Variants in SLC6A11 observed in about 807,000 individuals in gnomAD.
SLC6A11 encodes sodium- and chloride-dependent GABA transporter 3.
A neutral mutation model predicts 74.8 loss-of-function variants in SLC6A11; 25 were observed. The ratio of observed to expected loss-of-function variants is 0.33; its 90% CI spans 0.24 to 0.47. SLC6A11 has a LOEUF of 0.47. Among genes scored for constraint, SLC6A11 ranks in the 20% least tolerant of loss-of-function variants. The probability of loss-of-function intolerance (pLI) is 1.00; values close to 1 mark genes in which losing one functional copy is unlikely to be tolerated. For synonymous variants in SLC6A11, 330 were observed against 330.2 expected (o/e 1.00, Z 0.01); for missense variants, 574 against 837.0 (o/e 0.69, Z 3.88).
At chr3:10,872,612 C>G (rs1694840648) in intron 5 of SLC6A11, among the ~76,000 whole-genome samples, 1 of 152,198 alleles carries the variant, frequency 6.6e-6, no homozygotes, top group South Asian at 2.1e-4. Flanking sequence ...AGAAATTTCC[C>G]TCCTGTGATT....
In SLC6A11 at chr3:10,816,328, C is replaced by A; in HGVS notation, c.63C>A (p.Ser21=). The part of the protein sequence containing the change: ...NGKAAEEARE[S]EAPGGGCSSG... ...AGGCTGCTGAGGAGGCGCGGGAGTC[C>A]GAGGCGCCGGGTGGCGGCTGCAGCA... The change falls in exon 1 of 14, where the codon TCC becomes TCA. Residue 21 remains serine (S), a synonymous_variant. Transcript: ENST00000254488. The surrounding 1 kb of genome is among the most constrained non-coding windows in gnomAD (Gnocchi z 4.2). 7.1e-7 allele frequency: 1 copy of A among 1,413,764 alleles called. No individual in the cohort carries two copies. Among genetic ancestry groups the A allele is most frequent in the South Asian group, 1.6e-5 (1 of 62,944 alleles). 87.6% of individuals were successfully genotyped at this position (1,413,764 alleles called of 1,614,324 possible).
chr3:10,819,430 G>A (rs1430249053), intron 1 of SLC6A11, 35 bp from the exon 2 acceptor site: 1 of 1,590,334 alleles, frequency 6.3e-7, no homozygotes, highest in Non-Finnish European at 8.5e-7. Flanking sequence ...AATCGGCAGG[G>A]ACAGTTTTCA....
chr3:10,929,556 G>A (rs533834542), intron 10 of SLC6A11, among the ~76,000 whole-genome samples: 2 of 152,272 alleles, frequency 1.3e-5, no homozygotes, highest in South Asian at 2.1e-4. Flanking sequence ...TAAAGGCCGC[G>A]GCTGTTATTC....
chr3:10,819,502 C>T lies in SLC6A11; in HGVS notation c.294C>T (p.Cys98=). The T allele has an allele frequency of 1.2e-6, 2 of 1,613,826 alleles. No homozygotes were observed. The highest frequency in any genetic ancestry group is 2.2e-5 in the East Asian group (1 of 44,874). Residue 98 remains cysteine (C), a synonymous_variant, in exon 2 of 14, where the codon TGC becomes TGT. Coordinates refer to ENST00000254488, the MANE Select transcript of SLC6A11 (RefSeq NM_014229.3). ...TTCCCTACGTGGTGTTTTTTATTTG[C>T]TGTGGAATTCCTGTTTTTTTCCTGG... ...FLIPYVVFFI[C]CGIPVFFLET... is the part of the protein sequence containing the mutation.
intron 6 of SLC6A11, among the ~76,000 whole-genome samples, chr3:10,908,537 A>G (rs1037904696): frequency 2.0e-5 from 3 of 151,660 alleles, no homozygotes; most frequent in Non-Finnish European, 4.4e-5. Context: ...TAAGCCCAAC[A>G]TGCCCTCTTT....
intron 5 of SLC6A11, among the ~76,000 whole-genome samples, chr3:10,863,444 G>C (rs1000368405): frequency 6.6e-6 from 1 of 152,220 alleles, no homozygotes; most frequent in African/African-American, 2.4e-5. Context: ...CCATTTTATA[G>C]AAGAGAATAT....
chr3:10,860,716 C>CA (rs1559562827), intron 5 of SLC6A11, among the ~76,000 whole-genome samples: 1 of 152,132 alleles, frequency 6.6e-6, no homozygotes, highest in African/African-American at 2.4e-5. Flanking sequence ...TCCTCCCTGT[C>CA]AAAAGGTTTA....
chr3:10,916,416 G>C (rs1405460269), intron 7 of SLC6A11, among the ~76,000 whole-genome samples: 1 of 152,176 alleles, frequency 6.6e-6, no homozygotes, highest in South Asian at 2.1e-4. Context: ...TTGCTCACAA[G>C]TCTGCTGGTC....
At chr3:10,931,252 T>C (rs576278365) in intron 10 of SLC6A11, among the ~76,000 whole-genome samples, 1 of 152,336 alleles carries the variant, frequency 6.6e-6, no homozygotes, top group South Asian at 2.1e-4. Flanking sequence ...CACTAGTGCC[T>C]GCCTTGTAAT....
chr3:10,891,007 A>G (rs1695101047), intron 6 of SLC6A11, among the ~76,000 whole-genome samples: 1 of 152,212 alleles, frequency 6.6e-6, no homozygotes. Context: ...CTGGCTCACT[A>G]TGGGACAATC....
At chr3:10,827,581 G>A (rs1201326495) in intron 4 of SLC6A11, among the ~76,000 whole-genome samples, 2 of 152,120 alleles carry the variant, frequency 1.3e-5, no homozygotes, top group Non-Finnish European at 2.9e-5. Context: ...CTTCAGTCAG[G>A]GCCACATTGC....
Position 10,935,015 on chromosome 3 carries a change from C to T in SLC6A11, c.1576-14C>T, listed in dbSNP as rs750369833. 8 of 1,610,966 alleles carry T rather than the reference C, an allele frequency of 5.0e-6. No individual in the cohort carries two copies. The highest frequency in any genetic ancestry group is 6.8e-6 in the Non-Finnish European group (8 of 1,178,404). ...GGGCCCATCCCCCAGGCACCTGCCC[C>T]CATCTCTCTGCAGGGGATCTTCATC... is the stretch of plus-strand genomic sequence containing the variant. On this transcript the variant is annotated splice_polypyrimidine_tract_variant and intron_variant, in intron 12 of 13. Transcript: ENST00000254488.
At chr3:10,868,142 G>A (rs114798897) in intron 5 of SLC6A11, among the ~76,000 whole-genome samples, 2 of 152,314 alleles carry the variant, frequency 1.3e-5, no homozygotes, top group Non-Finnish European at 2.9e-5. Flanking sequence ...CTTCGTAGAT[G>A]GTAAATGCCA....
chr3:10,837,737 G>A (rs1310950803), intron 4 of SLC6A11, among the ~76,000 whole-genome samples: 1 of 152,234 alleles, frequency 6.6e-6, no homozygotes, highest in Non-Finnish European at 1.5e-5. Context: ...GACTGAATGA[G>A]TGTGTGATGT....
chr3:10,936,105 G>C (rs1056305829), intron 13 of SLC6A11, among the ~76,000 whole-genome samples: 10 of 152,070 alleles, frequency 6.6e-5, no homozygotes, highest in African/African-American at 2.4e-4. Flanking sequence ...GGTTTGAGTG[G>C]GTTTCTGCTT....
intron 10 of SLC6A11, among the ~76,000 whole-genome samples, chr3:10,930,812 C>T (rs1210312528): frequency 2.0e-5 from 3 of 152,126 alleles, no homozygotes; most frequent in Non-Finnish European, 4.4e-5. Flanking sequence ...ACTGAGGCCT[C>T]ACATCTGCCC....
At chr3:10,904,953 T>C (rs935714719) in intron 6 of SLC6A11, among the ~76,000 whole-genome samples, 1 of 152,256 alleles carries the variant, frequency 6.6e-6, no homozygotes, top group African/African-American at 2.4e-5. Flanking sequence ...GAGCCTGTAG[T>C]ACGCACTAGG....
chr3:10,909,761 C>A (rs1246390895), intron 6 of SLC6A11, among the ~76,000 whole-genome samples: 1 of 152,188 alleles, frequency 6.6e-6, no homozygotes, highest in Non-Finnish European at 1.5e-5. Context: ...GGCTCACTGG[C>A]CTTACTAAGC....
chr3:10,933,415 G>A (rs1480429296), intron 11 of SLC6A11, among the ~76,000 whole-genome samples, 162 bp downstream of exon 11: 1 of 152,202 alleles, frequency 6.6e-6, no homozygotes, highest in African/African-American at 2.4e-5. Context: ...ACTGTTGGTA[G>A]ACCTTCTGCT....
Sources: allele counts gnomAD v4.1 joint callset (sites outside exome capture counted in the v4.1 genomes callset), GRCh38; gene constraint gnomAD v4.1.1; non-coding constraint Gnocchi (gnomAD v3.1); transcripts MANE v1.5; gene names NCBI Gene and HGNC (gene_info 2026-07-23, HGNC 2026-07-21).